The following FRMD5 variants were observed in gnomAD, a reference collection of about 807,000 sequenced individuals.
The protein encoded by FRMD5 is FERM domain containing 5.
In FRMD5, 20 loss-of-function variants were observed where a neutral mutation model predicts 69.0. The ratio of observed to expected loss-of-function variants is 0.29; its 90% confidence interval spans 0.20 to 0.42. The LOEUF is 0.42. FRMD5 is among the 10% of genes least tolerant of loss of function. FRMD5 has a pLI of 1.00. For synonymous variants in FRMD5, 271 were observed against 260.1 expected (o/e 1.04, Z -0.40); for missense variants, 595 against 708.6 (o/e 0.84, Z 1.82).
At chr15:43,899,302 G>C (rs971639733) in intron 7 of FRMD5, among the ~76,000 whole-genome samples, 1 of 152,164 alleles carries the variant, frequency 6.6e-6, no homozygotes, top group Admixed American at 6.5e-5. Flanking sequence ...AGGAGCTGAG[G>C]GGCTATGTGT....
At chr15:44,042,910 A>G (rs900345989) in intron 1 of FRMD5, among the ~76,000 whole-genome samples, 7 of 152,216 alleles carry the variant, frequency 4.6e-5, no homozygotes, top group African/African-American at 1.2e-4. Flanking sequence ...TCAACATAGT[A>G]TTGGAAGTTC....
At chr15:44,025,102 G>A (rs1281907143) in intron 1 of FRMD5, among the ~76,000 whole-genome samples, 1 of 152,112 alleles carries the variant, frequency 6.6e-6, no homozygotes, top group African/African-American at 2.4e-5. Context: ...GTATTGTGAG[G>A]AATAGAGTTT....
intron 7 of FRMD5, among the ~76,000 whole-genome samples, chr15:43,898,350 CCTT>C (rs1282936873): frequency 1.3e-5 from 2 of 152,146 alleles, no homozygotes; most frequent in Non-Finnish European, 2.9e-5. Flanking sequence ...CCCTCATATC[CCTT>C]CTTGTCTGCA....
At chr15:44,184,797 G>A (rs1174533434) in intron 1 of FRMD5, among the ~76,000 whole-genome samples, 2 of 152,142 alleles carry the variant, frequency 1.3e-5, no homozygotes, top group Non-Finnish European at 2.9e-5. Context: ...CACTTCTTTT[G>A]TCATTGTCTT....
At chr15:44,078,960 C>T (rs981270980) in intron 1 of FRMD5, among the ~76,000 whole-genome samples, 2 of 152,006 alleles carry the variant, frequency 1.3e-5, no homozygotes, top group Admixed American at 1.3e-4. Flanking sequence ...TGCCAAAGGA[C>T]ATAATCAACA....
chr15:44,120,254 G>C (rs2076928031), intron 1 of FRMD5, among the ~76,000 whole-genome samples: 2 of 152,142 alleles, frequency 1.3e-5, no homozygotes, highest in Non-Finnish European at 2.9e-5. Context: ...CCAGAAATAG[G>C]AATGAATAGG....
At chr15:44,094,454 C>T (rs1238658442) in intron 1 of FRMD5, among the ~76,000 whole-genome samples, 3 of 152,170 alleles carry the variant, frequency 2.0e-5, no homozygotes, top group Non-Finnish European at 4.4e-5. Context: ...ACACCTACAA[C>T]CCATTAGTCC....
At chr15:43,876,408 C>T (rs2088358305) in intron 13 of FRMD5, among the ~76,000 whole-genome samples, 1 of 152,092 alleles carries the variant, frequency 6.6e-6, no homozygotes, top group Admixed American at 6.6e-5. Context: ...GGGCCAGACA[C>T]GATGGCTCCC....
intron 1 of FRMD5, among the ~76,000 whole-genome samples, chr15:44,066,258 C>G (rs1893306762): frequency 1.3e-5 from 2 of 152,188 alleles, no homozygotes; most frequent in South Asian, 2.1e-4. Context: ...CCTACTAGCT[C>G]TACTAGCTCT....
chr15:44,103,977 C>T (rs1375687795), intron 1 of FRMD5, among the ~76,000 whole-genome samples: 1 of 152,180 alleles, frequency 6.6e-6, no homozygotes, highest in Non-Finnish European at 1.5e-5. Context: ...TAATTATGTA[C>T]AGTAAATAAC....
rs555572283 is a variant in FRMD5 at position 43,874,275 on chromosome 15, C to G, written c.1323G>C (p.Glu441Asp). The G allele has an allele frequency of 4.3e-6, 7 of 1,614,246 alleles. No homozygotes were observed. The highest frequency in any genetic ancestry group is 5.9e-6 in the Non-Finnish European group (7 of 1,180,044). The change falls in exon 14 of 14, where the codon GAG (glutamate) becomes GAC (aspartate). Residue 441 changes from glutamate to aspartate, a missense_variant. Transcript: ENST00000417257. ...LPTPVAEHSL[E>D]LMLLSRQING... Reference sequence around the variant, plus strand: ...TGATCTGCCGGGAAAGCAACATCAGCTCCAGGCTGTGCTCAGCCACAGGGG... The same window carrying G: ...TGATCTGCCGGGAAAGCAACATCAGGTCCAGGCTGTGCTCAGCCACAGGGG...
chr15:43,965,203 T>G (rs2140556666), intron 1 of FRMD5, among the ~76,000 whole-genome samples: 1 of 152,158 alleles, frequency 6.6e-6, no homozygotes, highest in East Asian at 1.9e-4. Context: ...GGGCAGAGAC[T>G]TTTCCTGATT....
intron 1 of FRMD5, among the ~76,000 whole-genome samples, chr15:43,983,081 C>A (rs2090572894): frequency 6.6e-6 from 1 of 152,098 alleles, no homozygotes; most frequent in South Asian, 2.1e-4. Flanking sequence ...CAGGCATGTG[C>A]CATCACATCT....
chr15:43,965,576 CTTTTTT>C lies in FRMD5; in HGVS notation c.103-41273_103-41268del, dbSNP rs35986581. ...ATGCAAAATTAATCTTTTAAAAAGT[CTTTTTT>C]TTTTTTTTTTTTTTTTGAGACAGAG... On this transcript the variant is annotated intron_variant, in intron 1 of 13. Coordinates refer to ENST00000417257, the MANE Select transcript of FRMD5 (RefSeq NM_032892.5). Among the ~76,000 whole-genome samples the C allele has an allele frequency of 3.6e-5, 4 of 110,382 alleles. No homozygotes were observed. In the East Asian group the frequency reaches 9.9e-4, roughly 27 times the overall value. 72.4% of individuals were successfully genotyped at this position (110,382 alleles called of 152,430 possible).
chr15:43,952,541 C>T (rs925086395), intron 1 of FRMD5, among the ~76,000 whole-genome samples: 2 of 152,230 alleles, frequency 1.3e-5, no homozygotes, highest in Non-Finnish European at 2.9e-5. Context: ...AGTCTGGGAG[C>T]ACGGCCATCA....
intron 1 of FRMD5, chr15:44,063,599 T>A (rs1220224052): frequency 3.8e-6 from 2 of 525,354 alleles, no homozygotes; most frequent in Admixed American, 2.0e-5. Flanking sequence ...AAAGTGGATA[T>A]TGTTGCCATC....
At chr15:43,949,296 T>G (rs2089992029) in intron 1 of FRMD5, among the ~76,000 whole-genome samples, 1 of 152,200 alleles carries the variant, frequency 6.6e-6, no homozygotes. Flanking sequence ...CTACCATCTA[T>G]GCTCACTGTC....
At chr15:43,982,865 T>C (rs2090569430) in intron 1 of FRMD5, among the ~76,000 whole-genome samples, 1 of 152,240 alleles carries the variant, frequency 6.6e-6, no homozygotes, top group Non-Finnish European at 1.5e-5. Context: ...TTGATGCTAA[T>C]GTGAACCTTC....
upstream of FRMD5, among the ~76,000 whole-genome samples, chr15:44,197,489 C>G (rs554007745): frequency 4.0e-5 from 6 of 151,584 alleles, no homozygotes; most frequent in Non-Finnish European, 7.4e-5. Flanking sequence ...CAAGACCAGC[C>G]TGGCCATCAT....
Sources: gnomAD v4.1 joint callset for allele counts (sites outside exome capture counted in the v4.1 genomes callset) on GRCh38, gnomAD v4.1.1 for gene constraint, MANE v1.5 for transcripts, NCBI Gene and HGNC (gene_info 2026-07-23, HGNC 2026-07-21) for gene names.